Variants in UPP2 observed in about 807,000 individuals in gnomAD.
The protein encoded by UPP2 is uridine phosphorylase 2.
A neutral mutation model predicts 26.7 loss-of-function variants in UPP2; 23 were observed. That is an observed-to-expected ratio of 0.86 (90% confidence interval 0.62 to 1.22). UPP2 has a LOEUF of 1.22. Ranked by LOEUF, UPP2 falls within the 50% of genes most tolerant of loss-of-function variation. The pLI is 0.00. For missense variants in UPP2, 387 were observed against 396.7 expected, an observed-to-expected ratio of 0.98 and a Z score of 0.21; for synonymous variants, 127 against 141.3, an observed-to-expected ratio of 0.90 and a Z score of 0.72.
At chr2:158,106,424 T>G (rs893270838) in intron 2 of UPP2, among the ~76,000 whole-genome samples, 1 of 152,174 alleles carries the variant, frequency 6.6e-6, no homozygotes, top group African/African-American at 2.4e-5. Flanking sequence ...AAACTAAATC[T>G]AATGCAAACA....
chr2:158,126,028 G>A (rs1444502454), intron 6 of UPP2, among the ~76,000 whole-genome samples: 2 of 152,200 alleles, frequency 1.3e-5, no homozygotes, highest in African/African-American at 4.8e-5. Context: ...ACCGGGTGAT[G>A]ACCAGCAGTT....
chr2:158,032,283 C>T (rs537279548), intron 3 of UPP2, among the ~76,000 whole-genome samples: 1 of 152,166 alleles, frequency 6.6e-6, no homozygotes, highest in Admixed American at 6.5e-5. Flanking sequence ...CATCCTGTCA[C>T]CAGAAATGTT....
intron 3 of UPP2, among the ~76,000 whole-genome samples, chr2:158,055,983 A>G (rs1389905224): frequency 6.6e-6 from 1 of 152,240 alleles, no homozygotes; most frequent in East Asian, 1.9e-4. Flanking sequence ...AAGACCTAAA[A>G]GATTCACGTG....
At chr2:158,078,646 A>G (rs143975395) in intron 3 of UPP2, among the ~76,000 whole-genome samples, 1 of 152,036 alleles carries the variant, frequency 6.6e-6, no homozygotes, top group Non-Finnish European at 1.5e-5. Flanking sequence ...TAGCAGGGGG[A>G]TGGGAGTGGG....
rs143732671 is a variant in UPP2, at chr2:158,079,902, G to T, written c.148-22138G>T. Among the ~76,000 whole-genome samples the T allele has an allele frequency of 1.4e-4, 22 of 152,106 alleles. No homozygotes were observed. In the East Asian group the frequency reaches 4.1e-3, roughly 28 times the overall value. On this transcript the variant is annotated intron_variant, in intron 3 of 9. Transcript: ENST00000605860. ...TATCATGGGAGTCAGTTTCCTGTCT[G>T]TCAGGCACTATTTGCACAGAGACAA...
intron 3 of UPP2, among the ~76,000 whole-genome samples, chr2:158,059,647 A>G (rs1381518309): frequency 1.3e-5 from 2 of 152,218 alleles, no homozygotes; most frequent in Non-Finnish European, 2.9e-5. Flanking sequence ...GGCTGTGTAC[A>G]GACTACAGAT....
At chr2:158,060,304 T>A (rs930557604) in intron 3 of UPP2, among the ~76,000 whole-genome samples, 2 of 152,184 alleles carry the variant, frequency 1.3e-5, no homozygotes, top group African/African-American at 2.4e-5. Context: ...ATAGGTCTAG[T>A]AATAAAGGCT....
chr2:158,092,107 G>A (rs1318252681), intron 3 of UPP2, among the ~76,000 whole-genome samples: 1 of 152,082 alleles, frequency 6.6e-6, no homozygotes, highest in African/African-American at 2.4e-5. Context: ...ATGTATAAAA[G>A]GGAAGTTAAT....
chr2:158,001,162 C>T (rs1683398944), intron 2 of UPP2, among the ~76,000 whole-genome samples: 1 of 152,186 alleles, frequency 6.6e-6, no homozygotes, highest in Non-Finnish European at 1.5e-5. Context: ...CCTGTTTCTG[C>T]CTTGCCTAAG....
At chr2:158,072,635 G>A (rs75819950) in intron 3 of UPP2, among the ~76,000 whole-genome samples, 4 of 145,354 alleles carry the variant, frequency 2.8e-5, no homozygotes, top group Non-Finnish European at 5.9e-5. Flanking sequence ...AGCACACAGA[G>A]AGAAAGAGAC....
chr2:158,007,639 T>C (rs1683513312), intron 2 of UPP2, among the ~76,000 whole-genome samples: 2 of 151,990 alleles, frequency 1.3e-5, no homozygotes, highest in Admixed American at 1.3e-4. Flanking sequence ...CTTTTTTTTT[T>C]TTTTTTAAGA....
chr2:158,032,857 T>C (rs1683944042), intron 3 of UPP2, among the ~76,000 whole-genome samples: 1 of 152,176 alleles, frequency 6.6e-6, no homozygotes. Flanking sequence ...CACAGGTTTC[T>C]TTGTGCAGGG....
chr2:158,005,756 A>C (rs781588698), intron 2 of UPP2, among the ~76,000 whole-genome samples: 11 of 152,152 alleles, frequency 7.2e-5, no homozygotes, highest in Non-Finnish European at 1.5e-4. Context: ...CACTGCAGGG[A>C]CCAGTGGGGG....
chr2:158,068,777 TA>T (rs1682479075), intron 3 of UPP2, among the ~76,000 whole-genome samples: 1 of 6,682 alleles, frequency 1.5e-4, no homozygotes, highest in South Asian at 3.2e-3. Context: ...TATATATATA[TA>T]TATATATATA....
chr2:158,055,630 G>A (rs1052573385), intron 3 of UPP2, among the ~76,000 whole-genome samples: 7 of 152,222 alleles, frequency 4.6e-5, no homozygotes, highest in Middle Eastern at 3.4e-3. Context: ...TGAAAGTTGT[G>A]ATATTTAAGT....
At chr2:158,127,063 T>C (rs1038741283) in intron 6 of UPP2, among the ~76,000 whole-genome samples, 2 of 152,236 alleles carry the variant, frequency 1.3e-5, no homozygotes, top group African/African-American at 2.4e-5. Flanking sequence ...GTTTGGACCA[T>C]TGCAGAAACA....
chr2:158,101,687 C>T (rs2105210154), upstream of UPP2, among the ~76,000 whole-genome samples: 1 of 152,302 alleles, frequency 6.6e-6, no homozygotes, highest in African/African-American at 2.4e-5. Flanking sequence ...CTGTTTGCAA[C>T]ATCAAACCTG....
intron 5 of UPP2, among the ~76,000 whole-genome samples, chr2:158,123,097 T>C (rs959389597): frequency 3.9e-5 from 6 of 152,202 alleles, no homozygotes; most frequent in African/African-American, 7.2e-5. Flanking sequence ...TTTCTGGGTG[T>C]GCACAGGGTA....
intron 3 of UPP2, among the ~76,000 whole-genome samples, chr2:158,062,586 C>A (rs6744349): frequency 0.025 from 3,788 of 152,254 alleles, 158 homozygotes; most frequent in African/African-American, 0.087. Flanking sequence ...CTACCCTACC[C>A]CAATGTTTGA....
Sources: allele counts gnomAD v4.1 joint callset (sites outside exome capture counted in the v4.1 genomes callset), GRCh38; gene constraint gnomAD v4.1.1; transcripts MANE v1.5; gene names NCBI Gene and HGNC (gene_info 2026-07-23, HGNC 2026-07-21).